Variants in SUGCT observed in about 807,000 individuals in gnomAD.
The protein encoded by SUGCT is succinyl-CoA:glutarate CoA-transferase.
SUGCT carries 41 observed loss-of-function variants against 55.0 expected under a neutral mutation model. The ratio of observed to expected loss-of-function variants is 0.74; its 90% confidence interval spans 0.58 to 0.97. SUGCT has a LOEUF of 0.97. Among genes scored for constraint, SUGCT ranks in the 50% least tolerant of loss-of-function variants. SUGCT has a pLI of 0.00. For missense variants in SUGCT, 568 were observed against 547.8 expected, an observed-to-expected ratio of 1.04 and a Z score of -0.37; for synonymous variants, 187 against 200.4, an observed-to-expected ratio of 0.93 and a Z score of 0.56.
chr7:40,936,275 T>TTTG, the SUGCT span, among the ~76,000 whole-genome samples: 1 of 151,356 alleles, frequency 6.6e-6, no homozygotes. Context: ...TCCTTATCTT[T>TTTG]TATAGGTCTT....
intron 8 of SUGCT, among the ~76,000 whole-genome samples, chr7:40,290,783 T>C (rs986167922): frequency 2.6e-5 from 4 of 152,056 alleles, no homozygotes; most frequent in African/African-American, 4.8e-5. Context: ...ATCCAGAATC[T>C]ACAATGAACT....
intron 12 of SUGCT, among the ~76,000 whole-genome samples, chr7:40,642,830 C>T (rs895243218): frequency 6.6e-6 from 1 of 152,160 alleles, no homozygotes; most frequent in African/African-American, 2.4e-5. Flanking sequence ...ACCTCACCGC[C>T]TCCTTGCTCA....
chr7:40,767,485 G>T (rs1223609261), intron 13 of SUGCT, among the ~76,000 whole-genome samples: 1 of 152,148 alleles, frequency 6.6e-6, no homozygotes, highest in Non-Finnish European at 1.5e-5. Context: ...GACAGGGTTA[G>T]TTGCCTAATT....
chr7:40,898,532 G>A, the SUGCT span, among the ~76,000 whole-genome samples: 5 of 126,972 alleles, frequency 3.9e-5, no homozygotes, highest in Non-Finnish European at 3.2e-5. Flanking sequence ...GACCATCCTC[G>A]CTAACACAGT....
chr7:40,918,935 A>T, the SUGCT span, among the ~76,000 whole-genome samples: 1 of 152,212 alleles, frequency 6.6e-6, no homozygotes, highest in South Asian at 2.1e-4. Context: ...CTCTGAATAG[A>T]TGGAAAAGTT....
At chr7:40,996,075 G>T in the SUGCT span, among the ~76,000 whole-genome samples, 1 of 152,134 alleles carries the variant, frequency 6.6e-6, no homozygotes, top group East Asian at 1.9e-4. Context: ...AAATATCTTT[G>T]GAAAAAAATA....
At chr7:40,228,909 T>A (rs1788549210) in intron 6 of SUGCT, among the ~76,000 whole-genome samples, 1 of 152,182 alleles carries the variant, frequency 6.6e-6, no homozygotes, top group Non-Finnish European at 1.5e-5. Flanking sequence ...GTGCTTCAAT[T>A]TATTGCAATT....
chr7:41,000,842 A>G, the SUGCT span, among the ~76,000 whole-genome samples: 6 of 152,170 alleles, frequency 3.9e-5, no homozygotes, highest in African/African-American at 1.2e-4. Context: ...GAGGCACAAC[A>G]TATTTTTAAG....
intron 9 of SUGCT, among the ~76,000 whole-genome samples, chr7:40,448,297 A>G (rs1221797446): frequency 7.7e-6 from 1 of 130,254 alleles, no homozygotes; most frequent in Non-Finnish European, 1.5e-5. Flanking sequence ...CTTTCTATCT[A>G]TGCTTCTTAC....
intron 13 of SUGCT, among the ~76,000 whole-genome samples, chr7:40,786,203 G>A (rs1165478198): frequency 1.3e-5 from 2 of 152,302 alleles, no homozygotes; most frequent in East Asian, 1.9e-4. Flanking sequence ...TGTGAAATTT[G>A]AGCATGTGAT....
intron 9 of SUGCT, among the ~76,000 whole-genome samples, chr7:40,400,437 A>C (rs1035981074): frequency 2.0e-5 from 3 of 152,202 alleles, no homozygotes; most frequent in Admixed American, 1.3e-4. Context: ...ATAGAAGTGC[A>C]TGTATCCTTT....
chr7:40,341,203 A>G (rs1797024936), intron 9 of SUGCT, among the ~76,000 whole-genome samples: 3 of 152,230 alleles, frequency 2.0e-5, no homozygotes, highest in Admixed American at 2.0e-4. Context: ...CAGAAATTGT[A>G]GGATCATTGA....
chr7:40,138,403 G>A (rs986459730), intron 1 of SUGCT, among the ~76,000 whole-genome samples: 1 of 152,128 alleles, frequency 6.6e-6, no homozygotes, highest in Non-Finnish European at 1.5e-5. Context: ...CCATTGATGG[G>A]CACTTAGGTT....
At chr7:40,265,451 T>A (rs1791503083) in intron 7 of SUGCT, among the ~76,000 whole-genome samples, 1 of 152,130 alleles carries the variant, frequency 6.6e-6, no homozygotes, top group Non-Finnish European at 1.5e-5. Context: ...TTTTTCACGC[T>A]GTCCCTCTCT....
At chr7:40,925,513 AT>A in the SUGCT span, among the ~76,000 whole-genome samples, 6 of 152,208 alleles carry the variant, frequency 3.9e-5, no homozygotes, top group Non-Finnish European at 8.8e-5. Context: ...TATTAGCTCT[AT>A]TTAATTTTAA....
intron 12 of SUGCT, among the ~76,000 whole-genome samples, chr7:40,520,238 T>A (rs1187745126): frequency 1.3e-5 from 2 of 152,032 alleles, no homozygotes; most frequent in Non-Finnish European, 2.9e-5. Flanking sequence ...ATACTAGAAT[T>A]TTGATAGTTT....
chr7:40,303,191 G>A (rs1201987535), intron 8 of SUGCT, among the ~76,000 whole-genome samples: 1 of 150,992 alleles, frequency 6.6e-6, no homozygotes, highest in Non-Finnish European at 1.5e-5. Flanking sequence ...CTGCCACCTC[G>A]CCTGGCTAAT....
At position 40,860,596 on chromosome 7, in the gene SUGCT, C is replaced by A; in HGVS notation, c.*117C>A. On this transcript the variant is annotated 3_prime_UTR_variant, in exon 14 of 14. Transcript: ENST00000335693. ...ACTAAAAAGAAGATTTAGAGTAACT[C>A]CAGATTTCTTACATGGCATCTCCAG... The A allele has an allele frequency of 9.1e-7, 1 of 1,101,950 alleles. No individual in the cohort carries two copies. Among genetic ancestry groups the A allele is most frequent in the Non-Finnish European group, 1.2e-6 (1 of 810,676 alleles). 68.3% of individuals were successfully genotyped at this position (1,101,950 alleles called of 1,614,324 possible).
intron 8 of SUGCT, among the ~76,000 whole-genome samples, chr7:40,309,892 T>TA (rs5883726): frequency 7.0e-6 from 1 of 143,200 alleles, no homozygotes; most frequent in African/African-American, 2.6e-5. Flanking sequence ...AAAAAAGTAT[T>TA]AAAAAAAAAA....
Sources: gnomAD v4.1 joint callset for allele counts (sites outside exome capture counted in the v4.1 genomes callset) on GRCh38, gnomAD v4.1.1 for gene constraint, MANE v1.5 for transcripts, NCBI Gene and HGNC (gene_info 2026-07-23, HGNC 2026-07-21) for gene names.